Variants in COL25A1 observed in about 807,000 individuals in gnomAD.
COL25A1 encodes the protein collagen type XXV alpha 1 chain.
A neutral mutation model predicts 128.4 loss-of-function variants in COL25A1; 103 were observed. That is an observed-to-expected ratio of 0.80 (90% CI 0.68 to 0.94). COL25A1 has a LOEUF of 0.94. Among genes scored for constraint, COL25A1 ranks in the 40% least tolerant of loss-of-function variants. The pLI, the probability that COL25A1 is intolerant of heterozygous loss-of-function variation, is 0.00. For synonymous variants in COL25A1, 279 were observed against 277.2 expected (o/e 1.01, Z -0.06); for missense variants, 745 against 840.0 (o/e 0.89, Z 1.40).
At chr4:109,232,547 TC>T (rs1289642336) in intron 3 of COL25A1, among the ~76,000 whole-genome samples, 1 of 152,168 alleles carries the variant, frequency 6.6e-6, no homozygotes, top group Admixed American at 6.6e-5. Context: ...AAAGACTTGA[TC>T]AAGAATGTTA....
intron 3 of COL25A1, among the ~76,000 whole-genome samples, chr4:109,120,014 C>T (rs966386876): frequency 6.6e-6 from 1 of 151,976 alleles, no homozygotes; most frequent in Non-Finnish European, 1.5e-5. Flanking sequence ...CATCACAGCA[C>T]AAGGCTAAAA....
chr4:108,866,432 A>G (rs1321308747), intron 20 of COL25A1, among the ~76,000 whole-genome samples: 3 of 151,640 alleles, frequency 2.0e-5, no homozygotes, highest in Non-Finnish European at 4.4e-5. Context: ...GGCTCAAGCA[A>G]TCTGCCTGCC....
At chr4:109,129,619 T>C (rs1340737774) in intron 3 of COL25A1, among the ~76,000 whole-genome samples, 1 of 152,228 alleles carries the variant, frequency 6.6e-6, no homozygotes, top group African/African-American at 2.4e-5. Context: ...AATTAAGTGA[T>C]GACTATATGG....
chr4:108,853,381 C>CGT (rs889430135), intron 24 of COL25A1, among the ~76,000 whole-genome samples: 19 of 67,104 alleles, frequency 2.8e-4, no homozygotes, highest in South Asian at 8.3e-4. Flanking sequence ...TGTGTTTGTG[C>CGT]GTGTGTGTGT....
chr4:109,105,367 A>T (rs7695884), intron 3 of COL25A1, among the ~76,000 whole-genome samples: 4 of 151,830 alleles, frequency 2.6e-5, no homozygotes, highest in Admixed American at 2.6e-4. Context: ...CCAGCTACTC[A>T]GGAGGCTGAG....
Position 109,005,153 on chromosome 4 carries a change from C to T in COL25A1, c.438+5205G>A, listed in dbSNP as rs1421763225. ...TCTGGGGGAGGCCTCAGGAAGCTTC[C>T]TTGCCAATCATGGTATAAGGCAAAG... On this transcript the variant is annotated intron_variant, in intron 6 of 37. Coordinates refer to ENST00000399132, the MANE Select transcript of COL25A1 (RefSeq NM_198721.4). 2.0e-5 allele frequency among the ~76,000 whole-genome samples: 3 copies of T among 152,100 alleles called. No homozygotes were observed. The East Asian group carries it at 5.8e-4, about 29-fold the overall frequency.
intron 34 of COL25A1, 58 bp from the exon 35 acceptor site, chr4:108,824,285 T>A (rs781778698): frequency 7.4e-5 from 86 of 1,155,298 alleles, no homozygotes; most frequent in Non-Finnish European, 9.0e-5. Context: ...CAAAATCATA[T>A]AGAAACAAAT....
intron 13 of COL25A1, among the ~76,000 whole-genome samples, chr4:108,903,764 T>A (rs1001130274): frequency 6.6e-6 from 1 of 152,084 alleles, no homozygotes; most frequent in Non-Finnish European, 1.5e-5. Context: ...TCTGTGTTAC[T>A]TTTTCACAAC....
chr4:109,046,338 T>C (rs1760428614), intron 5 of COL25A1, among the ~76,000 whole-genome samples: 1 of 152,206 alleles, frequency 6.6e-6, no homozygotes, highest in African/African-American at 2.4e-5. Context: ...GACTAACAGA[T>C]GGCCTCAAGA....
At chr4:108,979,000 T>C (rs1752702029) in intron 6 of COL25A1, among the ~76,000 whole-genome samples, 1 of 152,228 alleles carries the variant, frequency 6.6e-6, no homozygotes, top group African/African-American at 2.4e-5. Flanking sequence ...CATTAATAAG[T>C]ACTTAAGGGT....
chr4:109,240,145 T>C (rs1779794972), intron 3 of COL25A1, among the ~76,000 whole-genome samples: 1 of 152,086 alleles, frequency 6.6e-6, no homozygotes, highest in Non-Finnish European at 1.5e-5. Context: ...CAGTCTAAAA[T>C]AATGATAAAT....
Position 108,899,814 on chromosome 4 carries a change from A to T in COL25A1, c.835-634T>A, listed in dbSNP as rs541756677. Among the ~76,000 whole-genome samples, 4 of 152,224 alleles carry T rather than the reference A, an allele frequency of 2.6e-5. No individual in the cohort carries two copies. In the East Asian group the frequency reaches 5.8e-4, roughly 22 times the overall value. On this transcript the variant is annotated intron_variant, in intron 14 of 37. Coordinates refer to ENST00000399132, the MANE Select transcript of COL25A1 (RefSeq NM_198721.4). ...CAGAATTGAAGTGAGTTTAGGAATGATGTCCTTATTCAAAATGATGACCTG... is the reference window on the plus strand; with the variant it reads ...CAGAATTGAAGTGAGTTTAGGAATGTTGTCCTTATTCAAAATGATGACCTG...
At chr4:108,858,570 G>T (rs1354377725) in intron 24 of COL25A1, among the ~76,000 whole-genome samples, 5 of 152,104 alleles carry the variant, frequency 3.3e-5, no homozygotes, top group Non-Finnish European at 7.4e-5. Context: ...GGTGGGAAAG[G>T]TAACCAGTAT....
intron 3 of COL25A1, among the ~76,000 whole-genome samples, chr4:109,102,510 A>G (rs1765991154): frequency 6.6e-6 from 1 of 152,088 alleles, no homozygotes; most frequent in Admixed American, 6.6e-5. Flanking sequence ...AATTAAATCA[A>G]GTTGGTTGAT....
intron 3 of COL25A1, among the ~76,000 whole-genome samples, chr4:109,116,405 C>G (rs1767562944): frequency 6.6e-6 from 1 of 152,002 alleles, no homozygotes; most frequent in South Asian, 2.1e-4. Flanking sequence ...GAAAATCTTC[C>G]TCTAGCCATG....
intron 3 of COL25A1, among the ~76,000 whole-genome samples, chr4:109,067,607 A>G (rs975243464): frequency 3.9e-5 from 6 of 152,190 alleles, no homozygotes; most frequent in Non-Finnish European, 8.8e-5. Flanking sequence ...ATTTCTTTAC[A>G]GAAGAATATA....
At chr4:108,893,739 A>G (rs1741802426) in intron 16 of COL25A1, among the ~76,000 whole-genome samples, 1 of 152,232 alleles carries the variant, frequency 6.6e-6, no homozygotes, top group African/African-American at 2.4e-5. Flanking sequence ...TAAACGATGA[A>G]TGAGTTTCAC....
At chr4:108,912,828 T>C (rs574537379) in intron 13 of COL25A1, among the ~76,000 whole-genome samples, 11 of 152,274 alleles carry the variant, frequency 7.2e-5, no homozygotes, top group African/African-American at 2.6e-4. Flanking sequence ...AAAAATATGC[T>C]GTGAAGATTA....
Position 109,065,568 on chromosome 4 carries a change from G to A in COL25A1, c.368-15389C>T, listed in dbSNP as rs1037313777. On this transcript the variant is annotated intron_variant, in intron 3 of 37. Transcript: ENST00000399132. ...CGCGTGTGTGTGTGTGTGTGTGTGT[G>A]TGTGTGTGTGTGTGCAGGTGCATGC... Among the ~76,000 whole-genome samples the A allele has an allele frequency of 2.0e-5, 3 of 152,026 alleles. No homozygotes were observed. In the East Asian group the frequency reaches 5.8e-4, roughly 30 times the overall value.
Sources: gnomAD v4.1 joint callset for allele counts (sites outside exome capture counted in the v4.1 genomes callset) on GRCh38, gnomAD v4.1.1 for gene constraint, MANE v1.5 for transcripts, NCBI Gene and HGNC (gene_info 2026-07-23, HGNC 2026-07-21) for gene names.